The following CNTN1 variants were observed in gnomAD, a reference collection of about 807,000 sequenced individuals.
CNTN1 encodes contactin 1.
A neutral mutation model predicts 126.4 loss-of-function variants in CNTN1; 38 were observed. That is an observed-to-expected ratio of 0.30 (90% CI 0.23 to 0.39). The LOEUF (loss-of-function observed/expected upper bound fraction) is 0.39. Ranked by LOEUF, CNTN1 falls within the 10% of genes least tolerant of loss-of-function variation. CNTN1 has a pLI of 1.00. For synonymous variants in CNTN1, 413 were observed against 422.6 expected (o/e 0.98, Z 0.28); for missense variants, 1,009 against 1,248.4 (o/e 0.81, Z 2.89).
intron 1 of CNTN1, among the ~76,000 whole-genome samples, chr12:40,870,562 C>T (rs1565862020): frequency 6.6e-6 from 1 of 152,040 alleles, no homozygotes; most frequent in Non-Finnish European, 1.5e-5. Flanking sequence ...TTCTGGCAGT[C>T]CTGGGCAGCA....
chr12:41,014,394 C>A (rs2120729453), intron 18 of CNTN1, 96 bp downstream of exon 18: 1 of 1,194,510 alleles, frequency 8.4e-7, no homozygotes, highest in Non-Finnish European at 1.2e-6. Flanking sequence ...ATGAAAGTGA[C>A]TGCCTACTGC....
chr12:40,972,457 TTC>T (rs1383294233), intron 15 of CNTN1: 1 of 982,064 alleles, frequency 1.0e-6, no homozygotes, highest in Non-Finnish European at 1.2e-6. Flanking sequence ...AGGTATGAGT[TTC>T]TCTTTTACTT....
intron 6 of CNTN1, among the ~76,000 whole-genome samples, chr12:40,929,331 T>C (rs1037204764): frequency 8.0e-5 from 12 of 149,586 alleles, no homozygotes; most frequent in Admixed American, 2.0e-4. Flanking sequence ...CTCTATAAAA[T>C]AGGTGCACAC....
chr12:41,045,604 G>T (rs554083161), intron 23 of CNTN1, among the ~76,000 whole-genome samples: 5 of 152,026 alleles, frequency 3.3e-5, no homozygotes, highest in Non-Finnish European at 7.4e-5. Context: ...TGGTCCATTC[G>T]ATACTACATT....
In CNTN1 at chr12:40,731,493, G is replaced by C. The variant is rs1164745546; in HGVS notation, c.-77+38901G>C. On this transcript the variant is annotated intron_variant, in intron 1 of 23. Coordinates refer to ENST00000551295, the MANE Select transcript of CNTN1 (RefSeq NM_001843.4). The stretch of plus-strand genomic sequence containing the variant: ...CAACAGTCTGAGCAAAAAATCCTCA[G>C]CACAATTTAAAAATATAAATTTCAA... Among the ~76,000 whole-genome samples, 4 of 151,804 alleles carry C rather than the reference G, an allele frequency of 2.6e-5. No homozygotes were observed. The East Asian group carries it at 7.7e-4, about 29-fold the overall frequency.
chr12:40,790,550 G>A (rs1177653274), intron 1 of CNTN1, among the ~76,000 whole-genome samples: 1 of 152,024 alleles, frequency 6.6e-6, no homozygotes, highest in Non-Finnish European at 1.5e-5. Context: ...CTGCCTGTAT[G>A]TACCTCCTTG....
chr12:40,896,154 C>T (rs1054734824), intron 1 of CNTN1: 1 of 152,078 alleles, frequency 6.6e-6, no homozygotes, highest in East Asian at 1.9e-4. Flanking sequence ...ACACCTAAAT[C>T]TTCTGAACAC....
intron 1 of CNTN1, among the ~76,000 whole-genome samples, chr12:40,763,414 T>A (rs1938945092): frequency 2.0e-5 from 3 of 152,176 alleles, no homozygotes; most frequent in Non-Finnish European, 4.4e-5. Context: ...AAGTAATATA[T>A]TTATTAAGTA....
chr12:41,019,578 G>C (rs1479972735), intron 19 of CNTN1, among the ~76,000 whole-genome samples: 1 of 152,126 alleles, frequency 6.6e-6, no homozygotes, highest in Admixed American at 6.5e-5. Flanking sequence ...GATCACCCCT[G>C]CTTAAAGCCT....
rs1297430584 is a variant in CNTN1 at position 40,918,780 on chromosome 12, C to T, written c.227+9C>T. On this transcript the variant is annotated intron_variant, in intron 4 of 23. Transcript: ENST00000551295. ...CCTTTCCCGGTTTACAAGTAATGTA[C>T]CTCGCTTCTCTTTTCAGAGTGGAGT... is the stretch of plus-strand genomic sequence containing the variant. 1 of 1,613,130 alleles carries T rather than the reference C, an allele frequency of 6.2e-7. No individual in the cohort carries two copies. Among genetic ancestry groups the T allele is most frequent in the African/African-American group, 1.3e-5 (1 of 74,850 alleles).
At chr12:40,998,720 T>A (rs1182250667) in intron 17 of CNTN1, among the ~76,000 whole-genome samples, 1 of 152,096 alleles carries the variant, frequency 6.6e-6, no homozygotes, top group African/African-American at 2.4e-5. Context: ...TGTATAAATA[T>A]AGAATTAATG....
At position 41,059,458 on chromosome 12, in the gene CNTN1, G is replaced by A. The variant is rs116822881; in HGVS notation, c.2981-10501G>A. Among the ~76,000 whole-genome samples, 621 of 152,246 alleles carry A rather than the reference G, an allele frequency of 4.1e-3. 7 individuals are homozygous for A. The highest frequency in any genetic ancestry group is 0.014 in the African/African-American group (580 of 41,550). On this transcript the variant is annotated intron_variant, in intron 23 of 23. Transcript: ENST00000551295. ...ACTCTCAACTCATTACATTAAGGAA[G>A]GCGGCATCACTGCATTCTCTAGTAA...
chr12:41,061,827 T>C, intron 23 of CNTN1: 1 of 455,828 alleles, frequency 2.2e-6, no homozygotes, highest in Admixed American at 2.4e-5. Flanking sequence ...AACCATGTCT[T>C]GAGCCCAAAT....
At chr12:40,765,759 A>C (rs1939059470) in intron 1 of CNTN1, among the ~76,000 whole-genome samples, 1 of 152,232 alleles carries the variant, frequency 6.6e-6, no homozygotes. Context: ...AGAAAATTTA[A>C]AACATTGTTT....
At chr12:40,706,574 G>A (rs1941746752) in intron 1 of CNTN1, among the ~76,000 whole-genome samples, 1 of 152,028 alleles carries the variant, frequency 6.6e-6, no homozygotes, top group Admixed American at 6.6e-5. Flanking sequence ...CTAGAACACT[G>A]CCTCAAACTT....
intron 1 of CNTN1, among the ~76,000 whole-genome samples, chr12:40,896,322 A>G (rs1944414198): frequency 6.6e-6 from 1 of 152,112 alleles, no homozygotes; most frequent in Non-Finnish European, 1.5e-5. Flanking sequence ...AGAAACTTAT[A>G]GTATAGTTAG....
intron 15 of CNTN1, among the ~76,000 whole-genome samples, chr12:40,964,010 G>T (rs1299928233): frequency 6.6e-6 from 1 of 151,948 alleles, no homozygotes; most frequent in African/African-American, 2.4e-5. Flanking sequence ...CATAAAATTA[G>T]GCCCCAAATG....
chr12:40,929,355 A>AC (rs1565971519), intron 6 of CNTN1, among the ~76,000 whole-genome samples: 44 of 143,344 alleles, frequency 3.1e-4, no homozygotes, highest in African/African-American at 1.1e-3. Flanking sequence ...CACACACACA[A>AC]AAAAAAAAAG....
chr12:40,765,595 T>C (rs1396826013), intron 1 of CNTN1, among the ~76,000 whole-genome samples: 2 of 152,152 alleles, frequency 1.3e-5, no homozygotes, highest in African/African-American at 4.8e-5. Context: ...TGTTTTAAGA[T>C]GGAGTTCAGT....
Sources: allele counts gnomAD v4.1 joint callset (sites outside exome capture counted in the v4.1 genomes callset), GRCh38; gene constraint gnomAD v4.1.1; transcripts MANE v1.5; gene names NCBI Gene and HGNC (gene_info 2026-07-23, HGNC 2026-07-21).